TSPAN11: variants seen among roughly 807,000 people sequenced by gnomAD.
TSPAN11 encodes the protein tetraspanin 11, also known as tetraspanin-11.
TSPAN11 carries 29 observed loss-of-function variants against 32.9 expected under a neutral mutation model. The ratio of observed to expected loss-of-function variants is 0.88; its 90% confidence interval spans 0.66 to 1.20. TSPAN11 has a LOEUF of 1.20. Ranked by LOEUF, TSPAN11 falls within the 50% of genes most tolerant of loss-of-function variation. The pLI is 0.00. For synonymous variants in TSPAN11, 140 were observed against 141.3 expected (o/e 0.99, Z 0.07); for missense variants, 283 against 329.1 (o/e 0.86, Z 1.08).
Position 30,947,872 on chromosome 12 carries a change from C to T in TSPAN11, c.-11-6109C>T, listed in dbSNP as rs371611501. 1.3e-4 allele frequency among the ~76,000 whole-genome samples: 20 copies of T among 152,230 alleles called. 1 individual carries two copies. The highest frequency in any genetic ancestry group is 5.8e-4 in the East Asian group (3 of 5,182). ...AGCATTAACCCAAAGGTCCAGAGTCCAAAGTCTCATCTGAGACAAGGCAAG... is the reference window on the plus strand; with the variant it reads ...AGCATTAACCCAAAGGTCCAGAGTCTAAAGTCTCATCTGAGACAAGGCAAG... On this transcript the variant is annotated intron_variant, in intron 1 of 7. Coordinates refer to ENST00000546076, the MANE Select transcript of TSPAN11 (RefSeq NM_001370302.1).
chr12:30,968,988 T>C (rs1440303364), intron 3 of TSPAN11, among the ~76,000 whole-genome samples: 1 of 152,168 alleles, frequency 6.6e-6, no homozygotes, highest in East Asian at 1.9e-4. Flanking sequence ...GGATGATGTG[T>C]GAGGATAACG....
chr12:30,979,750 C>T, intron 5 of TSPAN11, 80 bp downstream of exon 5: 1 of 1,455,390 alleles, frequency 6.9e-7, no homozygotes, highest in Non-Finnish European at 9.5e-7. Context: ...TCTGGGTGAC[C>T]CTAGGCAAGT....
At chr12:31,003,401 T>C in the TSPAN11 span, among the ~76,000 whole-genome samples, 1 of 152,158 alleles carries the variant, frequency 6.6e-6, no homozygotes, top group East Asian at 1.9e-4. Context: ...AGAAGGCAGT[T>C]TGAGGACCTG....
chr12:30,958,065 G>C (rs946766102), intron 2 of TSPAN11, among the ~76,000 whole-genome samples: 1 of 152,008 alleles, frequency 6.6e-6, no homozygotes, highest in African/African-American at 2.4e-5. Flanking sequence ...TGCTGGGAGA[G>C]GGGGGCAGGG....
intron 1 of TSPAN11, chr12:30,927,032 A>G: frequency 7.8e-7 from 1 of 1,284,642 alleles, no homozygotes; most frequent in Non-Finnish European, 1.0e-6. Context: ...GGGACACGCA[A>G]CACGGTGTCC....
chr12:30,975,482 C>T lies in TSPAN11; in HGVS notation c.277-3079C>T, dbSNP rs1938949956. ...CACTGGAGCTCGAGAAGGCTATCCCCACACACCACCGCCACTGCCAAGCTC... is the reference window on the plus strand; with the variant it reads ...CACTGGAGCTCGAGAAGGCTATCCCTACACACCACCGCCACTGCCAAGCTC... On this transcript the variant is annotated intron_variant, in intron 3 of 7. Transcript: ENST00000546076. The surrounding 1 kb of genome is among the most constrained non-coding windows in gnomAD (Gnocchi z 4.5). Among the ~76,000 whole-genome samples, 1 of 152,132 alleles carries T rather than the reference C, an allele frequency of 6.6e-6. No individual in the cohort carries two copies. Among genetic ancestry groups the T allele is most frequent in the Non-Finnish European group, 1.5e-5 (1 of 68,024 alleles).
At chr12:30,974,482 A>G (rs1377907100) in intron 3 of TSPAN11, among the ~76,000 whole-genome samples, 1 of 152,166 alleles carries the variant, frequency 6.6e-6, no homozygotes, top group Non-Finnish European at 1.5e-5. Context: ...GTGCTATGCT[A>G]CTCTCAGATC....
At chr12:30,928,542 G>T (rs1015003327) in intron 1 of TSPAN11, among the ~76,000 whole-genome samples, 1 of 152,146 alleles carries the variant, frequency 6.6e-6, no homozygotes, top group Non-Finnish European at 1.5e-5. Context: ...GTCCACCCTC[G>T]GATGTCACCT....
At chr12:30,951,950 A>G (rs529890823) in intron 1 of TSPAN11, among the ~76,000 whole-genome samples, 2 of 152,364 alleles carry the variant, frequency 1.3e-5, no homozygotes, top group East Asian at 1.9e-4. Context: ...AGAAGATTGA[A>G]TTAAGTGAGC....
intron 1 of TSPAN11, among the ~76,000 whole-genome samples, chr12:30,949,758 C>T (rs1373229352): frequency 1.3e-5 from 2 of 152,146 alleles, no homozygotes; most frequent in South Asian, 4.1e-4. Context: ...GGTCTCATTT[C>T]CTCCCACCTC....
At chr12:30,945,214 A>G (rs1938242873) in intron 1 of TSPAN11, among the ~76,000 whole-genome samples, 1 of 151,940 alleles carries the variant, frequency 6.6e-6, no homozygotes, top group Non-Finnish European at 1.5e-5. Flanking sequence ...GGCAGAATGA[A>G]CACCCCTCCC....
intron 7 of TSPAN11, among the ~76,000 whole-genome samples, chr12:30,987,033 G>A (rs1939213840): frequency 6.6e-6 from 1 of 152,218 alleles, no homozygotes; most frequent in African/African-American, 2.4e-5. Flanking sequence ...AGAGCTCGTT[G>A]GATATGAAGA....
chr12:30,979,722 C>T, intron 5 of TSPAN11, 52 bp downstream of exon 5: 1 of 1,582,252 alleles, frequency 6.3e-7, no homozygotes, highest in African/African-American at 1.3e-5. Flanking sequence ...GGATTCAAAT[C>T]CCGACTGTTC....
chr12:30,997,041 G>A (rs1939428334), downstream of TSPAN11: 1 of 152,104 alleles, frequency 6.6e-6, no homozygotes, highest in Non-Finnish European at 1.5e-5. Flanking sequence ...AGGAGCAAGG[G>A]GGCTCTGTCT....
chr12:30,928,596 T>C (rs1937850876), intron 1 of TSPAN11, among the ~76,000 whole-genome samples: 1 of 152,190 alleles, frequency 6.6e-6, no homozygotes, highest in Admixed American at 6.5e-5. Context: ...TAGTAGTGTT[T>C]GTAAAAGGAA....
In TSPAN11 at chr12:30,982,635, CAG is replaced by C. The variant is rs1297173985; in HGVS notation, c.561_562del (p.Val188GlyfsTer15). ...CAGGTGCCCGACAGCTGCTGCAAGA[CAG>C]TGGTGGTGCGCTGCGGCCAGCGGGC... On this transcript the variant is annotated frameshift_variant, in exon 6 of 8. Coordinates refer to ENST00000546076, the MANE Select transcript of TSPAN11 (RefSeq NM_001370302.1). LOFTEE classifies it high-confidence loss of function. 2.5e-6 allele frequency: 4 copies of C among 1,611,838 alleles called. No individual in the cohort carries two copies. The East Asian group carries it at 8.9e-5, about 36-fold the overall frequency.
chr12:30,941,106 C>T (rs189633054), intron 1 of TSPAN11, among the ~76,000 whole-genome samples: 5 of 152,318 alleles, frequency 3.3e-5, no homozygotes, highest in Non-Finnish European at 7.3e-5. Context: ...CCTTGAACAG[C>T]ATGTGTTTAA....
chr12:30,988,294 T>G (rs1160576956), intron 7 of TSPAN11, among the ~76,000 whole-genome samples: 1 of 152,164 alleles, frequency 6.6e-6, no homozygotes, highest in Non-Finnish European at 1.5e-5. Context: ...AGTAGAGTTG[T>G]TTAAATACCA....
the TSPAN11 span, among the ~76,000 whole-genome samples, chr12:31,009,584 T>G: frequency 1.3e-5 from 2 of 152,168 alleles, no homozygotes; most frequent in South Asian, 4.1e-4. Context: ...GCAACAGAAG[T>G]GCCACCCCAC....
Sources: gnomAD v4.1 joint callset for allele counts (sites outside exome capture counted in the v4.1 genomes callset) on GRCh38, gnomAD v4.1.1 for gene constraint, Gnocchi (gnomAD v3.1) non-coding constraint, MANE v1.5 for transcripts, NCBI Gene and HGNC (gene_info 2026-07-23, HGNC 2026-07-21) for gene names.